UBE3C: variants seen among roughly 807,000 people sequenced by gnomAD.
The protein encoded by UBE3C is ubiquitin-protein ligase E3C.
In UBE3C, 42 loss-of-function variants were observed where a neutral mutation model predicts 129.4. The observed-to-expected ratio is 0.32, with a 90% CI of 0.25 to 0.42. The LOEUF (loss-of-function observed/expected upper bound fraction) is 0.42, where lower values mean the gene tolerates loss of function less well. UBE3C is among the 10% of genes least tolerant of loss of function. The pLI is 1.00. For synonymous variants in UBE3C, 510 were observed against 492.4 expected (o/e 1.04, Z -0.47); for missense variants, 1,049 against 1,319.1 (o/e 0.80, Z 3.17).
At chr7:157,140,123 C>A in intron 1 of UBE3C, 1 of 736,550 alleles carries the variant, frequency 1.4e-6, no homozygotes, top group Non-Finnish European at 1.7e-6. Context: ...TCACTGGAAC[C>A]GCTAAGTCGT....
chr7:157,193,296 C>G (rs1586678189), intron 10 of UBE3C, among the ~76,000 whole-genome samples: 1 of 148,100 alleles, frequency 6.8e-6, no homozygotes, highest in Admixed American at 6.7e-5. Context: ...TTCAGAAGAA[C>G]AAATTATTGC....
At chr7:157,239,429 C>T (rs60292847) in intron 18 of UBE3C, among the ~76,000 whole-genome samples, 3,091 of 152,224 alleles carry the variant, frequency 0.02, 97 homozygotes, top group African/African-American at 0.061. Flanking sequence ...TCCTGATGCT[C>T]CTGGGAGGGT....
intron 17 of UBE3C, among the ~76,000 whole-genome samples, chr7:157,229,221 T>C (rs2116632394): frequency 6.6e-6 from 1 of 152,356 alleles, no homozygotes; most frequent in East Asian, 1.9e-4. Context: ...AAAGGACATT[T>C]CACTTACTTC....
chr7:157,237,028 G>A (rs942125582), intron 18 of UBE3C, among the ~76,000 whole-genome samples: 3 of 152,110 alleles, frequency 2.0e-5, no homozygotes, highest in African/African-American at 4.8e-5. Context: ...CAGCACACCC[G>A]GCAAGACAGT....
chr7:157,155,946 A>G (rs898542395), intron 1 of UBE3C, among the ~76,000 whole-genome samples: 2 of 151,978 alleles, frequency 1.3e-5, no homozygotes, highest in African/African-American at 4.9e-5. Flanking sequence ...AACTGCTACT[A>G]GGCATCCTTA....
intron 4 of UBE3C, among the ~76,000 whole-genome samples, chr7:157,172,878 G>T (rs568680662): frequency 6.6e-6 from 1 of 152,312 alleles, no homozygotes; most frequent in Non-Finnish European, 1.5e-5. Flanking sequence ...TATTGCCTTT[G>T]AGTGAGGTCC....
chr7:157,233,757 AGTGTTAGGTCATACAGTACTCCAC>A (rs1796083519), intron 18 of UBE3C, among the ~76,000 whole-genome samples: 1 of 152,220 alleles, frequency 6.6e-6, no homozygotes, highest in Admixed American at 6.5e-5. Context: ...TAGACATGGA[AGTGTTAGGTCATACAGTACTCCAC>A]GTCAAAGTGT....
chr7:157,220,849 A>G (rs1463158751), intron 15 of UBE3C, 73 bp downstream of exon 15: 1 of 1,510,584 alleles, frequency 6.6e-7, no homozygotes, highest in Non-Finnish European at 9.1e-7. Flanking sequence ...TAATCTACAG[A>G]TCTGTTATTT....
At chr7:157,227,423 G>A (rs992331583) in intron 17 of UBE3C, among the ~76,000 whole-genome samples, 1 of 152,150 alleles carries the variant, frequency 6.6e-6, no homozygotes, top group Non-Finnish European at 1.5e-5. Context: ...CCTGGGCGTG[G>A]CGCAGTGGCT....
At chr7:157,240,049 G>A (rs1796264198) in intron 18 of UBE3C, among the ~76,000 whole-genome samples, 1 of 152,166 alleles carries the variant, frequency 6.6e-6, no homozygotes, top group Admixed American at 6.5e-5. Context: ...GAACTCTAGG[G>A]CTAGGGCTCA....
chr7:157,267,161 C>T (rs1285011201), intron 22 of UBE3C, among the ~76,000 whole-genome samples: 1 of 152,190 alleles, frequency 6.6e-6, no homozygotes, highest in African/African-American at 2.4e-5. Context: ...CGGTGGCTCA[C>T]GCCTGTAATC....
intron 22 of UBE3C, among the ~76,000 whole-genome samples, chr7:157,258,227 G>A (rs1194693841): frequency 6.6e-6 from 1 of 152,004 alleles, no homozygotes; most frequent in African/African-American, 2.4e-5. Context: ...GATGACAGGT[G>A]TGAGCCACCA....
At chr7:157,218,258 C>A (rs1795636337) in intron 14 of UBE3C, among the ~76,000 whole-genome samples, 1 of 151,982 alleles carries the variant, frequency 6.6e-6, no homozygotes, top group Admixed American at 6.6e-5. Context: ...CCAGCCTGGG[C>A]AACATGGTCA....
intron 5 of UBE3C, among the ~76,000 whole-genome samples, 168 bp from the exon 6 acceptor site, chr7:157,178,522 C>T (rs1808584703): frequency 6.6e-6 from 1 of 152,172 alleles, no homozygotes; most frequent in African/African-American, 2.4e-5. Context: ...GTCTGAATGA[C>T]TGAATGTTAG....
intron 22 of UBE3C, among the ~76,000 whole-genome samples, chr7:157,258,709 C>A (rs1796821710): frequency 6.6e-6 from 1 of 152,120 alleles, no homozygotes; most frequent in African/African-American, 2.4e-5. Context: ...ATCCACCTAC[C>A]TCAGCCTCCC....
intron 17 of UBE3C, 130 bp downstream of exon 17, chr7:157,225,669 C>G: frequency 9.4e-7 from 1 of 1,061,664 alleles, no homozygotes; most frequent in Non-Finnish European, 1.3e-6. Flanking sequence ...AAATGTGAGG[C>G]TGGGCATGGC....
intron 7 of UBE3C, 93 bp from the exon 8 acceptor site, chr7:157,182,015 T>A (rs909107279): frequency 7.6e-7 from 1 of 1,307,686 alleles, no homozygotes; most frequent in African/African-American, 1.5e-5. Flanking sequence ...TAGATTATCC[T>A]TTTAGAAGGA....
intron 1 of UBE3C, among the ~76,000 whole-genome samples, chr7:157,153,149 G>A (rs918170803): frequency 6.6e-6 from 1 of 152,138 alleles, no homozygotes; most frequent in Non-Finnish European, 1.5e-5. Context: ...AGTGAGCAGA[G>A]ATCGCACCAC....
In UBE3C at chr7:157,225,268, C is replaced by G; in HGVS notation, c.2101-139C>G. ...TATCTATACATTTATTGATAAAAAT[C>G]AAGATTTGATACCTTGACTATTAGC... On this transcript the variant is annotated intron_variant, in intron 16 of 22. Transcript: ENST00000348165. The G allele has an allele frequency of 4.4e-6, 4 of 904,674 alleles. No individual in the cohort carries two copies. In the South Asian group the frequency reaches 8.2e-5, roughly 19 times the overall value. 56.0% of individuals were successfully genotyped at this position (904,674 alleles called of 1,614,324 possible). A position where few individuals can be genotyped will look rare whatever the true frequency, so the allele number is the denominator to read the frequency against.
Sources: allele counts gnomAD v4.1 joint callset (sites outside exome capture counted in the v4.1 genomes callset), GRCh38; gene constraint gnomAD v4.1.1; transcripts MANE v1.5; gene names NCBI Gene and HGNC (gene_info 2026-07-23, HGNC 2026-07-21).